The following EIF4E3 variants were observed in gnomAD, a reference collection of about 807,000 sequenced individuals.
EIF4E3 encodes the protein eukaryotic translation initiation factor 4E type 3.
EIF4E3 carries 26 observed loss-of-function variants against 31.7 expected under a neutral mutation model. That is an observed-to-expected ratio of 0.82 (90% CI 0.60 to 1.14). The LOEUF is 1.14. Among genes scored for constraint, EIF4E3 ranks in the 50% most tolerant of loss-of-function variants. The pLI, the probability that EIF4E3 is intolerant of heterozygous loss-of-function variation, is 0.00. For synonymous variants in EIF4E3, 128 were observed against 107.7 expected (o/e 1.19, Z -1.17); for missense variants, 304 against 270.9 (o/e 1.12, Z -0.86).
In EIF4E3 at chr3:71,677,786, A is replaced by G. The variant is rs1469552566; in HGVS notation, c.*6896T>C. 1 of 152,214 alleles carries G rather than the reference A, an allele frequency of 6.6e-6. No homozygotes were observed. The highest frequency in any genetic ancestry group is 1.5e-5 in the Non-Finnish European group (1 of 68,036). The allele number at this position is 152,214 out of a possible 1,614,324, so 9.4% of individuals were successfully genotyped here. A position where few individuals can be genotyped will look rare whatever the true frequency, so the allele number is the denominator to read the frequency against. ...TTGTTTGTTTTTAAAGGAATATATT[A>G]GACAGCCAGAAAGGAGGAGTAAATT... On this transcript the variant is annotated 3_prime_UTR_variant, in exon 7 of 7. Coordinates refer to ENST00000425534, the MANE Select transcript of EIF4E3 (RefSeq NM_001134651.2).
At chr3:71,665,468 C>A in the EIF4E3 span, among the ~76,000 whole-genome samples, 7,706 of 152,264 alleles carry the variant, frequency 0.051, 662 homozygotes, top group African/African-American at 0.18. Flanking sequence ...AGAATTTCTA[C>A]AACCAACTAT....
intron 2 of EIF4E3, among the ~76,000 whole-genome samples, chr3:71,705,924 G>A (rs903301488): frequency 8.5e-5 from 13 of 152,122 alleles, no homozygotes; most frequent in Admixed American, 7.9e-4. Flanking sequence ...CAATGCACCC[G>A]GCTAAAAGCC....
chr3:71,708,067 T>C (rs904338521), intron 2 of EIF4E3, among the ~76,000 whole-genome samples: 1 of 151,880 alleles, frequency 6.6e-6, no homozygotes, highest in African/African-American at 2.4e-5. Context: ...AGAGACAGAG[T>C]TTCACCTTGT....
chr3:71,741,401 C>G (rs1480475512), intron 1 of EIF4E3, among the ~76,000 whole-genome samples: 1 of 151,996 alleles, frequency 6.6e-6, no homozygotes, highest in Non-Finnish European at 1.5e-5. Flanking sequence ...AATTCCGGAG[C>G]AAAGAATATT....
intron 1 of EIF4E3, among the ~76,000 whole-genome samples, chr3:71,740,706 C>T (rs908305671): frequency 3.3e-5 from 5 of 152,114 alleles, no homozygotes; most frequent in Non-Finnish European, 7.3e-5. Context: ...GCACTCCAGC[C>T]TGGACGATAG....
the EIF4E3 span, among the ~76,000 whole-genome samples, chr3:71,668,780 C>T: frequency 6.6e-6 from 1 of 152,174 alleles, no homozygotes; most frequent in South Asian, 2.1e-4. Context: ...AATAGGAACG[C>T]TTTTACACTG....
intron 1 of EIF4E3, among the ~76,000 whole-genome samples, chr3:71,744,717 G>C (rs1839064): frequency 0.68 from 104,139 of 152,182 alleles, 36,647 homozygotes; most frequent in East Asian, 1. Flanking sequence ...TGCACTCCAG[G>C]CTGGGTGACA....
chr3:71,754,646 C>G (rs1381648729), upstream of EIF4E3: 3 of 1,493,340 alleles, frequency 2.0e-6, no homozygotes, highest in Non-Finnish European at 1.8e-6. This position sits in a 1 kb window ranked among gnomAD's most constrained non-coding sequence, Gnocchi z 5.8. Context: ...CCACGCACCT[C>G]GTCTACCTCC....
At chr3:71,662,724 G>A in the EIF4E3 span, among the ~76,000 whole-genome samples, 2 of 152,024 alleles carry the variant, frequency 1.3e-5, no homozygotes, top group African/African-American at 4.8e-5. Context: ...CCGACCCAAA[G>A]TAACTCAAAG....
Position 71,739,255 on chromosome 3 carries a change from C to T in EIF4E3, c.-290-10632G>A, listed in dbSNP as rs180732128. ...GCATAAGGAAGAGAAAAATAAAGAG[C>T]AGAAATTAATAAAATAAAAAATTAA... On this transcript the variant is annotated intron_variant, in intron 1 of 7. Transcript: ENST00000295612. Among the ~76,000 whole-genome samples, 701 of 150,514 alleles carry T rather than the reference C, an allele frequency of 4.7e-3. 10 individuals are homozygous for T. Among genetic ancestry groups the T allele is most frequent in the African/African-American group, 0.016 (657 of 40,978 alleles).
chr3:71,749,602 A>G (rs890300011), intron 1 of EIF4E3, among the ~76,000 whole-genome samples: 18 of 152,190 alleles, frequency 1.2e-4, no homozygotes, highest in Admixed American at 1.0e-3. Context: ...GTATCTGCCA[A>G]AGGGTGCCAA....
intron 1 of EIF4E3, among the ~76,000 whole-genome samples, chr3:71,716,405 T>C (rs1379021806): frequency 6.6e-6 from 1 of 152,146 alleles, no homozygotes; most frequent in Non-Finnish European, 1.5e-5. Context: ...GCTAATTTTT[T>C]TGTATTTTTA....
the EIF4E3 span, among the ~76,000 whole-genome samples, chr3:71,663,022 T>G: frequency 6.6e-6 from 1 of 152,156 alleles, no homozygotes; most frequent in African/African-American, 2.4e-5. Context: ...AGGAAGCGTT[T>G]CTTGGGTTCT....
At chr3:71,696,371 A>T in intron 4 of EIF4E3, 89 bp downstream of exon 4, 1 of 1,434,144 alleles carries the variant, frequency 7.0e-7, no homozygotes, top group African/African-American at 1.4e-5. Context: ...CCAGGTAAAT[A>T]GGCTATCTGC....
At chr3:71,668,938 A>G in the EIF4E3 span, among the ~76,000 whole-genome samples, 1 of 152,212 alleles carries the variant, frequency 6.6e-6, no homozygotes, top group Non-Finnish European at 1.5e-5. Flanking sequence ...ATAAAGACAC[A>G]TGCACACATA....
upstream of EIF4E3, chr3:71,754,463 G>C: frequency 7.5e-7 from 1 of 1,332,886 alleles, no homozygotes. The surrounding 1 kb of genome is among the most constrained non-coding windows in gnomAD (Gnocchi z 5.8). Context: ...CCGGCTGGCC[G>C]TGCGCCGCCA....
At chr3:71,740,281 A>G (rs72953240) in intron 1 of EIF4E3, among the ~76,000 whole-genome samples, 2,518 of 152,356 alleles carry the variant, frequency 0.017, 67 homozygotes, top group African/African-American at 0.058. Flanking sequence ...AATATTCCCA[A>G]TTGAATTTCA....
At chr3:71,662,608 G>A in the EIF4E3 span, among the ~76,000 whole-genome samples, 1 of 152,164 alleles carries the variant, frequency 6.6e-6, no homozygotes, top group Non-Finnish European at 1.5e-5. Context: ...TCTTGTCTCA[G>A]GTAGAAGAAG....
chr3:71,662,170 T>A, the EIF4E3 span, among the ~76,000 whole-genome samples: 7 of 152,206 alleles, frequency 4.6e-5, no homozygotes, highest in African/African-American at 1.4e-4. Context: ...TACTTCATAC[T>A]GTAAGGGCAA....
Sources: allele counts gnomAD v4.1 joint callset (sites outside exome capture counted in the v4.1 genomes callset), GRCh38; gene constraint gnomAD v4.1.1; non-coding constraint Gnocchi (gnomAD v3.1); transcripts MANE v1.5; gene names NCBI Gene and HGNC (gene_info 2026-07-23, HGNC 2026-07-21).